Variants in MTHFD2 observed in about 807,000 individuals in gnomAD.
MTHFD2 encodes the protein bifunctional methylenetetrahydrofolate dehydrogenase/cyclohydrolase, mitochondrial.
MTHFD2 carries 26 observed loss-of-function variants against 36.8 expected under a neutral mutation model. The ratio of observed to expected loss-of-function variants is 0.71; its 90% confidence interval spans 0.52 to 0.98. The LOEUF is 0.98. MTHFD2 is among the 50% of genes least tolerant of loss of function. The pLI, the probability that MTHFD2 is intolerant of heterozygous loss-of-function variation, is 0.00. For missense variants in MTHFD2, 373 were observed against 434.0 expected (o/e 0.86, Z 1.25); for synonymous variants, 164 against 155.2 (o/e 1.06, Z -0.42).
Position 74,205,774 on chromosome 2 carries a change from A to G in MTHFD2, c.171A>G (p.Val57=), listed in dbSNP as rs777274419. 2 of 1,613,800 alleles carry G rather than the reference A, an allele frequency of 1.2e-6. No homozygotes were observed. Among genetic ancestry groups the G allele is most frequent in the Non-Finnish European group, 1.7e-6 (2 of 1,179,992 alleles). ...TCAAGCAGGAAGTGCGGCAGGAGGT[A>G]GAAGAGTGGGTGGCCTCAGGCAACA... is the stretch of plus-strand genomic sequence containing the variant. ...QQIKQEVRQE[V]EEWVASGNKR... Residue 57 remains valine (V), a synonymous_variant, in exon 2 of 8, where the codon GTA becomes GTG. Coordinates refer to ENST00000394053, the MANE Select transcript of MTHFD2 (RefSeq NM_006636.4).
chr2:74,213,800 T>C (rs996515477), intron 7 of MTHFD2, among the ~76,000 whole-genome samples: 3 of 152,230 alleles, frequency 2.0e-5, no homozygotes, highest in East Asian at 1.9e-4. Context: ...ATGCTTATTA[T>C]TGTTATACTT....
At chr2:74,208,544 G>C (rs1437544318) in intron 3 of MTHFD2, 25 bp from the exon 4 acceptor site, 19 of 1,610,682 alleles carry the variant, frequency 1.2e-5, no homozygotes, top group Non-Finnish European at 1.4e-5. Context: ...GTGATTTAAG[G>C]CAACTGTGCC....
chr2:74,198,773 G>A (rs775626134), intron 1 of MTHFD2, 31 bp downstream of exon 1: 2 of 1,568,808 alleles, frequency 1.3e-6, no homozygotes, highest in African/African-American at 1.4e-5. Context: ...GGTCAGCGCG[G>A]AAAGCTGAGG....
intron 1 of MTHFD2, among the ~76,000 whole-genome samples, chr2:74,205,381 A>G (rs1372824447): frequency 6.6e-6 from 1 of 152,240 alleles, no homozygotes; most frequent in Non-Finnish European, 1.5e-5. Context: ...TTAAGAGCCC[A>G]GACTGATGTG....
intron 1 of MTHFD2, among the ~76,000 whole-genome samples, chr2:74,201,082 G>C (rs1489688796): frequency 6.6e-6 from 1 of 152,118 alleles, no homozygotes; most frequent in Non-Finnish European, 1.5e-5. Flanking sequence ...CTGCCTCCTG[G>C]GTTCAAGCTG....
At chr2:74,199,707 CAA>C (rs34436782) in intron 1 of MTHFD2, among the ~76,000 whole-genome samples, 2,685 of 103,466 alleles carry the variant, frequency 0.026, 22 homozygotes, top group African/African-American at 0.033. Flanking sequence ...GACCCTGTCT[CAA>C]AAAAAAAAAA....
At chr2:74,202,167 T>G (rs916091994) in intron 1 of MTHFD2, among the ~76,000 whole-genome samples, 2 of 152,130 alleles carry the variant, frequency 1.3e-5, no homozygotes, top group Non-Finnish European at 2.9e-5. Context: ...TCTCACTGAC[T>G]AGATATACAT....
chr2:74,205,750 C>T lies in MTHFD2; in HGVS notation c.147C>T (p.Ile49=), dbSNP rs1386319554. ...CTGGAAGGAAACTGGCCCAGCAGATCAAGCAGGAAGTGCGGCAGGAGGTAG... is the reference window on the plus strand; with the variant it reads ...CTGGAAGGAAACTGGCCCAGCAGATTAAGCAGGAAGTGCGGCAGGAGGTAG... ...VISGRKLAQQ[I]KQEVRQEVEE... is the part of the protein sequence containing the mutation. The change falls in exon 2 of 8, where the codon ATC becomes ATT. Residue 49 remains isoleucine, a synonymous_variant. Transcript: ENST00000394053. The T allele has an allele frequency of 6.2e-7, 1 of 1,613,702 alleles. No individual in the cohort carries two copies. Among genetic ancestry groups the T allele is most frequent in the South Asian group, 1.1e-5 (1 of 91,040 alleles).
chr2:74,212,263 CTTTTTTTT>C (rs398042480), intron 7 of MTHFD2, among the ~76,000 whole-genome samples: 3 of 35,696 alleles, frequency 8.4e-5, no homozygotes, highest in African/African-American at 4.1e-4. Context: ...GTTTCTTTCT[CTTTTTTTT>C]TTTTTTTTTT....
chr2:74,212,545 G>C (rs765562882), intron 7 of MTHFD2, among the ~76,000 whole-genome samples: 2 of 152,120 alleles, frequency 1.3e-5, no homozygotes, highest in Non-Finnish European at 1.5e-5. Flanking sequence ...CGGGATTACA[G>C]GTATGAGCCA....
chr2:74,198,652 C>T lies in MTHFD2; in HGVS notation c.11C>T (p.Thr4Ile), dbSNP rs1558850263. MAA[T>I]SLMSALAARL... The stretch of plus-strand genomic sequence containing the variant: ...TCACCGGCGCGGTCTATGGCTGCGA[C>T]TTCTCTAATGTCTGCTTTGGCTGCC... Residue 4 changes from threonine (T) to isoleucine (I), a missense_variant, in exon 1 of 8, where the codon ACT becomes ATT. This residue lies in a region of MTHFD2 where 65 missense variants were observed against 36.1 expected (regional missense o/e 1.80). Transcript: ENST00000394053. The T allele has an allele frequency of 6.2e-7, 1 of 1,609,528 alleles. No individual in the cohort carries two copies. The highest frequency in any genetic ancestry group is 8.5e-7 in the Non-Finnish European group (1 of 1,178,210).
chr2:74,215,350 T>TAATC lies in MTHFD2; in HGVS notation c.*1112_*1115dup, dbSNP rs1694413590. The stretch of plus-strand genomic sequence containing the variant: ...TGACCTAACCAGTTTTTTTCTCATT[T>TAATC]AATCAATGTAGCTATTCCTATATTC... On this transcript the variant is annotated 3_prime_UTR_variant, in exon 8 of 8. Transcript: ENST00000394053. 6.6e-6 allele frequency: 1 copy of TAATC among 152,184 alleles called. No individual in the cohort carries two copies. Among genetic ancestry groups the TAATC allele is most frequent in the Non-Finnish European group, 1.5e-5 (1 of 68,014 alleles). The allele number at this position is 152,184 out of a possible 1,614,324, so 9.4% of individuals were successfully genotyped here.
At chr2:74,207,878 C>T (rs754433549) in intron 3 of MTHFD2, 52 bp downstream of exon 3, 1 of 1,511,204 alleles carries the variant, frequency 6.6e-7, no homozygotes. Flanking sequence ...GCTCCTTTCC[C>T]TCTCCCTCCC....
chr2:74,213,659 G>T (rs1480752553), intron 7 of MTHFD2, among the ~76,000 whole-genome samples: 1 of 151,930 alleles, frequency 6.6e-6, no homozygotes, highest in South Asian at 2.1e-4. Flanking sequence ...AGGTATGTAA[G>T]GATTTTCACT....
intron 7 of MTHFD2, among the ~76,000 whole-genome samples, chr2:74,212,911 T>A (rs2103836766): frequency 6.6e-6 from 1 of 150,434 alleles, no homozygotes; most frequent in South Asian, 2.1e-4. Context: ...TCAGTTCTGT[T>A]TTTTTTTTTA....
rs752465086 is a variant in MTHFD2, at chr2:74,207,714, T to C, written c.297T>C (p.Ser99=). ...AATTTCTTATAATAGGAATCAACAGTGAGACAATTATGAAACCAGCTTCAA... is the reference window on the plus strand; with the variant it reads ...AATTTCTTATAATAGGAATCAACAGCGAGACAATTATGAAACCAGCTTCAA... The part of the protein sequence containing the change: ...TRAAAVVGIN[S]ETIMKPASIS... Residue 99 remains serine (S), a synonymous_variant, in exon 3 of 8, where the codon AGT becomes AGC. Transcript: ENST00000394053. The C allele has an allele frequency of 3.9e-5, 62 of 1,607,010 alleles. No homozygotes were observed. Among genetic ancestry groups the C allele is most frequent in the Non-Finnish European group, 4.9e-5 (58 of 1,174,432 alleles).
rs10638050 is a variant in MTHFD2, at chr2:74,213,270, C to CTTTTT, written c.890-789_890-785dup. Among the ~76,000 whole-genome samples, 392 of 76,004 alleles carry CTTTTT rather than the reference C, an allele frequency of 5.2e-3. 20 individuals are homozygous for CTTTTT. The highest frequency in any genetic ancestry group is 0.015 in the African/African-American group (255 of 16,654). 49.9% of individuals were successfully genotyped at this position (76,004 alleles called of 152,430 possible). A position where few individuals can be genotyped will look rare whatever the true frequency, so the allele number is the denominator to read the frequency against. Reference sequence around the variant, plus strand: ...ATGCTGATAATCCTTTTTTTCTTTCCTTTTTTTTTTTTTTTTTTTTTTTTG... The same window carrying CTTTTT: ...ATGCTGATAATCCTTTTTTTCTTTCCTTTTTTTTTTTTTTTTTTTTTTTTTTTTTG... On this transcript the variant is annotated intron_variant, in intron 7 of 7. Coordinates refer to ENST00000394053, the MANE Select transcript of MTHFD2 (RefSeq NM_006636.4).
In MTHFD2 at chr2:74,215,147, C is replaced by G. The variant is rs1488247929; in HGVS notation, c.*905C>G. On this transcript the variant is annotated 3_prime_UTR_variant, in exon 8 of 8. Coordinates refer to ENST00000394053, the MANE Select transcript of MTHFD2 (RefSeq NM_006636.4). Reference sequence around the variant, plus strand: ...CCACCAAAGAACTGTCAGCAGCTGCCTGCTTTTCTGTGATGTATGTATCCT... The same window carrying G: ...CCACCAAAGAACTGTCAGCAGCTGCGTGCTTTTCTGTGATGTATGTATCCT... 2.0e-5 allele frequency: 3 copies of G among 152,580 alleles called. No homozygotes were observed. Among genetic ancestry groups the G allele is most frequent in the African/African-American group, 7.2e-5 (3 of 41,428 alleles). 9.5% of individuals were successfully genotyped at this position (152,580 alleles called of 1,614,324 possible). A position where few individuals can be genotyped will look rare whatever the true frequency, so the allele number is the denominator to read the frequency against.
At chr2:74,198,945 G>A (rs921893054) in intron 1 of MTHFD2, among the ~76,000 whole-genome samples, 1 of 152,186 alleles carries the variant, frequency 6.6e-6, no homozygotes, top group South Asian at 2.1e-4. Context: ...TCGGCGCGGA[G>A]GGCTGGTACC....
Sources: gnomAD v4.1 joint callset for allele counts (sites outside exome capture counted in the v4.1 genomes callset) on GRCh38, gnomAD v4.1.1 for gene constraint, gnomAD v4.1.1 regional missense constraint, MANE v1.5 for transcripts, NCBI Gene and HGNC (gene_info 2026-07-23, HGNC 2026-07-21) for gene names.